ETFA: variants seen among roughly 807,000 people sequenced by gnomAD.
The protein encoded by ETFA is electron transfer flavoprotein subunit alpha, mitochondrial.
Under a neutral mutation model 46.2 loss-of-function variants are expected in ETFA, and 22 were observed. The ratio of observed to expected loss-of-function variants is 0.48; its 90% CI spans 0.34 to 0.68. The LOEUF (loss-of-function observed/expected upper bound fraction) is 0.68, where lower values mean the gene tolerates loss of function less well. Ranked by LOEUF, ETFA falls within the 30% of genes least tolerant of loss-of-function variation. The probability of loss-of-function intolerance (pLI) is 0.01; values close to 1 mark genes in which losing one functional copy is unlikely to be tolerated. For missense variants in ETFA, 345 were observed against 401.1 expected, an observed-to-expected ratio of 0.86 and a Z score of 1.19; for synonymous variants, 131 against 139.9, an observed-to-expected ratio of 0.94 and a Z score of 0.45.
Position 76,308,944 on chromosome 15 carries a change from A to T in ETFA, c.39+2406T>A, listed in dbSNP as rs187047413. ...GTGGAAAGATAAAGCAAATGTGTCA[A>T]ACTGCTAACATGCTGGGAAAACCAG... On this transcript the variant is annotated intron_variant, in intron 1 of 11. Coordinates refer to ENST00000557943, the MANE Select transcript of ETFA (RefSeq NM_000126.4). Among the ~76,000 whole-genome samples, 3 of 152,384 alleles carry T rather than the reference A, an allele frequency of 2.0e-5. No individual in the cohort carries two copies. The East Asian group carries it at 5.8e-4, about 29-fold the overall frequency.
At chr15:76,252,306 A>G (rs2039306538) in intron 9 of ETFA, among the ~76,000 whole-genome samples, 1 of 151,900 alleles carries the variant, frequency 6.6e-6, no homozygotes, top group Non-Finnish European at 1.5e-5. Context: ...ACATTCTACA[A>G]CTCAGCCTCC....
At position 76,268,138 on chromosome 15, in the gene ETFA, G is replaced by A. The variant is rs150917878; in HGVS notation, c.816+6274C>T. On this transcript the variant is annotated intron_variant, in intron 9 of 11. Transcript: ENST00000557943. ...TACCCCGCAGTAATTAACCAAAGAG[G>A]CAGAAGCTGAGTTACAAATGCTTCA... is the stretch of plus-strand genomic sequence containing the variant. 4.8e-5 allele frequency among the ~76,000 whole-genome samples: 7 copies of A among 146,686 alleles called. No homozygotes were observed. In the East Asian group the frequency reaches 1.5e-3, roughly 31 times the overall value.
intron 11 of ETFA, among the ~76,000 whole-genome samples, chr15:76,221,540 G>A (rs369828747): frequency 5.3e-5 from 8 of 152,228 alleles, no homozygotes; most frequent in African/African-American, 1.7e-4. Flanking sequence ...GGTGCCCTAT[G>A]CCCTATCACT....
At chr15:76,308,902 T>C (rs1455237986) in intron 1 of ETFA, among the ~76,000 whole-genome samples, 1 of 152,244 alleles carries the variant, frequency 6.6e-6, no homozygotes, top group East Asian at 1.9e-4. Context: ...TTCAGAAAGA[T>C]AGTATTATGT....
intron 11 of ETFA, among the ~76,000 whole-genome samples, chr15:76,222,932 C>T (rs577524096): frequency 3.3e-5 from 5 of 151,678 alleles, no homozygotes; most frequent in Non-Finnish European, 7.4e-5. Flanking sequence ...TCTCCTGGGC[C>T]CACGTGAACC....
At chr15:76,293,442 A>C (rs1052154206) in intron 2 of ETFA, among the ~76,000 whole-genome samples, 1 of 152,240 alleles carries the variant, frequency 6.6e-6, no homozygotes, top group African/African-American at 2.4e-5. Context: ...CTGCCCACAT[A>C]CACATATTTA....
chr15:76,309,906 C>T (rs1457778012), intron 1 of ETFA: 2 of 152,104 alleles, frequency 1.3e-5, no homozygotes, highest in Non-Finnish European at 2.9e-5. Context: ...AGGGTCAGAA[C>T]TTTTTATTAA....
At chr15:76,295,792 T>G (rs988804126) in intron 1 of ETFA, 55 bp from the exon 2 acceptor site, 16 of 1,468,126 alleles carry the variant, frequency 1.1e-5, no homozygotes, top group African/African-American at 7.2e-5. Context: ...CAGGGTTTTT[T>G]TTTTTTTTTT....
In ETFA at chr15:76,292,717, A is replaced by C. The variant is rs775438530; in HGVS notation, c.187-17T>G. On this transcript the variant is annotated splice_polypyrimidine_tract_variant and intron_variant, in intron 2 of 11. Coordinates refer to ENST00000557943, the MANE Select transcript of ETFA (RefSeq NM_000126.4). ...TTGTGCCACCTATGATTAAAAGATA[A>C]GTTCCTAATTATCCATCTATCAGAA... is the stretch of plus-strand genomic sequence containing the variant. 1.3e-6 allele frequency: 2 copies of C among 1,537,016 alleles called. No individual in the cohort carries two copies. Among genetic ancestry groups the C allele is most frequent in the Admixed American group, 1.7e-5 (1 of 59,898 alleles).
chr15:76,288,208 A>T (rs1206083296), intron 4 of ETFA, among the ~76,000 whole-genome samples: 3 of 152,198 alleles, frequency 2.0e-5, no homozygotes, highest in African/African-American at 7.2e-5. Context: ...ATATTGAACT[A>T]TGAGATATGA....
At chr15:76,235,020 G>A (rs907136442) in intron 9 of ETFA, among the ~76,000 whole-genome samples, 2 of 152,128 alleles carry the variant, frequency 1.3e-5, no homozygotes, top group Non-Finnish European at 2.9e-5. Flanking sequence ...AAGAACCTAG[G>A]CTCTGTAGCC....
chr15:76,295,933 A>ATTTTTTTTTTTTTTT (rs1555459250), intron 1 of ETFA, among the ~76,000 whole-genome samples, 196 bp from the exon 2 acceptor site: 10 of 58,504 alleles, frequency 1.7e-4, no homozygotes, highest in African/African-American at 4.7e-4. Flanking sequence ...TACCACTAAT[A>ATTTTTTTTTTTTTTT]TTCTTTTTTT....
chr15:76,219,804 G>A (rs534836982), intron 11 of ETFA, among the ~76,000 whole-genome samples: 11 of 152,314 alleles, frequency 7.2e-5, no homozygotes, highest in Admixed American at 4.6e-4. Context: ...CTACTAGGAT[G>A]ACTAGAATTA....
intron 9 of ETFA, chr15:76,274,067 T>C (rs1458752939): frequency 4.0e-6 from 1 of 248,584 alleles, no homozygotes; most frequent in African/African-American, 2.2e-5. Context: ...GATTTTATAC[T>C]CTCTAAAGGC....
chr15:76,232,126 T>C (rs2039074599), intron 9 of ETFA, among the ~76,000 whole-genome samples: 2 of 152,174 alleles, frequency 1.3e-5, no homozygotes, highest in Non-Finnish European at 2.9e-5. Flanking sequence ...TTGGTAAATG[T>C]TGATGATATT....
intron 5 of ETFA, 42 bp downstream of exon 5, chr15:76,287,804 A>C (rs1596220033): frequency 2.3e-6 from 3 of 1,327,070 alleles, no homozygotes; most frequent in Non-Finnish European, 3.3e-6. Flanking sequence ...GCTTTTCACT[A>C]AAATTTAACA....
intron 4 of ETFA, among the ~76,000 whole-genome samples, chr15:76,290,932 T>C (rs1032615900): frequency 5.9e-5 from 9 of 152,250 alleles, no homozygotes; most frequent in Middle Eastern, 3.4e-3. Flanking sequence ...AAAGTGAAAA[T>C]AGGCTAAGCA....
chr15:76,267,401 A>G (rs2039480605), intron 9 of ETFA, among the ~76,000 whole-genome samples: 1 of 152,244 alleles, frequency 6.6e-6, no homozygotes, highest in Non-Finnish European at 1.5e-5. Context: ...GCCTATATTA[A>G]TTCGCAAGAA....
At chr15:76,251,899 C>A (rs1233865780) in intron 9 of ETFA, among the ~76,000 whole-genome samples, 3 of 152,190 alleles carry the variant, frequency 2.0e-5, no homozygotes, top group Non-Finnish European at 4.4e-5. Flanking sequence ...TCCTATGAAA[C>A]CACTGTCTTA....
Sources: allele counts gnomAD v4.1 joint callset (sites outside exome capture counted in the v4.1 genomes callset), GRCh38; gene constraint gnomAD v4.1.1; transcripts MANE v1.5; gene names NCBI Gene and HGNC (gene_info 2026-07-23, HGNC 2026-07-21).